NOL7: variants seen among roughly 807,000 people sequenced by gnomAD.
The protein encoded by NOL7 is nucleolar protein 7.
Under a neutral mutation model 38.4 loss-of-function variants are expected in NOL7, and 36 were observed. The ratio of observed to expected loss-of-function variants is 0.94; its 90% CI spans 0.72 to 1.24. The LOEUF (loss-of-function observed/expected upper bound fraction) is 1.24. NOL7 is among the 50% of genes most tolerant of loss of function. NOL7 has a pLI of 0.00. For missense variants in NOL7, 350 were observed against 315.1 expected, an observed-to-expected ratio of 1.11 and a Z score of -0.84; for synonymous variants, 142 against 126.5, an observed-to-expected ratio of 1.12 and a Z score of -0.82.
exon 9 of NOL7, chr6:13,632,407 T>C (rs1764814703): frequency 1.2e-6 from 2 of 1,612,416 alleles, no homozygotes. Flanking sequence ...CTTGCCACAG[T>C]CTCTCCTTAG....
intron 5 of NOL7, 36 bp from the exon 6 acceptor site, chr6:13,620,172 T>A: frequency 1.3e-6 from 2 of 1,579,682 alleles, no homozygotes; most frequent in Non-Finnish European, 8.6e-7. Context: ...AGTAAGCATG[T>A]GTAATTCTTA....
At chr6:13,616,599 C>T (rs1014569244) in intron 3 of NOL7, 78 bp downstream of exon 3, 7 of 966,608 alleles carry the variant, frequency 7.2e-6, no homozygotes, top group South Asian at 1.7e-5. Flanking sequence ...TTATTTGAAT[C>T]CATATAACTG....
chr6:13,615,860 T>C, intron 2 of NOL7, 88 bp downstream of exon 2: 1 of 1,322,194 alleles, frequency 7.6e-7, no homozygotes, highest in Non-Finnish European at 1.0e-6. Context: ...TGGCAGGATA[T>C]TGGAGTGGGG....
At position 13,615,714 on chromosome 6, in the gene NOL7, A is replaced by G. The variant is rs1764262156; in HGVS notation, c.269A>G (p.Asp90Gly). The change falls in exon 2 of 8, where the codon GAT (aspartate) becomes GGT (glycine). Residue 90 changes from aspartate (D) to glycine (G), a missense_variant and splice_region_variant. Asp to Gly is a moderately conservative substitution (Grantham distance 94, BLOSUM62 -1). Coordinates refer to ENST00000451315, the MANE Select transcript of NOL7 (RefSeq NM_016167.5). ...ERRVRETVRRDKTLLKEKRKR... is the reference protein window; with the variant it reads ...ERRVRETVRRGKTLLKEKRKR... ...TGACTTATCACCCTTCCTCCCAGGG[A>G]TAAAACGCTCCTGAAGGAGAAGAGG... The G allele has an allele frequency of 4.3e-6, 7 of 1,614,220 alleles. 1 individual carries two copies. In the East Asian group the frequency reaches 1.6e-4, roughly 36 times the overall value.
chr6:13,622,112 A>G (rs931423747), downstream of NOL7: 14 of 273,166 alleles, frequency 5.1e-5, no homozygotes, highest in African/African-American at 2.4e-4. Flanking sequence ...GTGATGATCA[A>G]TTTGAACGTC....
chr6:13,622,610 T>C (rs768369009), downstream of NOL7: 64 of 1,089,154 alleles, frequency 5.9e-5, no homozygotes, highest in Non-Finnish European at 7.4e-5. Context: ...CACTCTGAAA[T>C]ATCAGCAAAT....
At chr6:13,619,603 A>G (rs563661585) in intron 5 of NOL7, among the ~76,000 whole-genome samples, 3 of 152,242 alleles carry the variant, frequency 2.0e-5, no homozygotes, top group Non-Finnish European at 4.4e-5. Context: ...CTTTTACTAC[A>G]TGTATCCGAA....
At chr6:13,625,509 C>G (rs1005847040), downstream of NOL7, 6 of 474,108 alleles carry the variant, frequency 1.3e-5, no homozygotes, top group East Asian at 9.9e-5. Context: ...GAGGGGGTTT[C>G]TATATTTTAG....
chr6:13,623,047 T>G (rs753996959), downstream of NOL7, among the ~76,000 whole-genome samples: 2 of 152,170 alleles, frequency 1.3e-5, no homozygotes, highest in Non-Finnish European at 2.9e-5. Flanking sequence ...CCCCACAGTT[T>G]TGGAGGTGCT....
chr6:13,624,703 C>T (rs376622032), downstream of NOL7, among the ~76,000 whole-genome samples: 57 of 152,166 alleles, frequency 3.7e-4, no homozygotes, highest in African/African-American at 1.1e-3. Context: ...GAATGGCAAC[C>T]AAACGAACAT....
At position 13,618,073 on chromosome 6, in the gene NOL7, A is replaced by G. The variant is rs1248871558; in HGVS notation, c.434A>G (p.Lys145Arg). Residue 145 changes from lysine (K) to arginine (R), a missense_variant, in exon 5 of 8, where the codon AAA becomes AGA. Transcript: ENST00000451315. ...GKVKEVNLQK[K>R]NEDCEKGNDS... The stretch of plus-strand genomic sequence containing the variant: ...TATTTTTTAGTTAATTTGCAAAAGA[A>G]AAATGAAGACTGTGAAAAAGGAAAT... 8 of 1,557,644 alleles carry G rather than the reference A, an allele frequency of 5.1e-6. No homozygotes were observed. Among genetic ancestry groups the G allele is most frequent in the Non-Finnish European group, 5.3e-6 (6 of 1,132,352 alleles).
chr6:13,616,015 G>A (rs183480308), intron 2 of NOL7, among the ~76,000 whole-genome samples: 7 of 152,170 alleles, frequency 4.6e-5, no homozygotes, highest in African/African-American at 1.7e-4. Flanking sequence ...CAGCCTGGGC[G>A]ACAGAGCGAG....
chr6:13,622,071 G>C (rs970866871), downstream of NOL7: 2 of 189,922 alleles, frequency 1.1e-5, no homozygotes, highest in Admixed American at 6.2e-5. Flanking sequence ...AGGATTTTTG[G>C]TTTCTTTTAG....
Position 13,615,381 on chromosome 6 carries a change from C to T in NOL7, c.23C>T (p.Ala8Val), listed in dbSNP as rs767023705. Residue 8 changes from alanine (A) to valine (V), a missense_variant, in exon 1 of 8, where the codon GCG becomes GTG. Coordinates refer to ENST00000451315, the MANE Select transcript of NOL7 (RefSeq NM_016167.5). Reference protein sequence around the residue: MVQLRPRASRAPASAEAM... With the variant: MVQLRPRVSRAPASAEAM... Reference sequence around the variant, plus strand: ...GCCATGGTGCAGCTCCGACCGCGAGCGTCTCGCGCCCCGGCGTCGGCGGAG... The same window carrying T: ...GCCATGGTGCAGCTCCGACCGCGAGTGTCTCGCGCCCCGGCGTCGGCGGAG... 9 of 1,518,098 alleles carry T rather than the reference C, an allele frequency of 5.9e-6. No individual in the cohort carries two copies. The highest frequency in any genetic ancestry group is 7.9e-6 in the Non-Finnish European group (9 of 1,134,998). 94.0% of individuals were successfully genotyped at this position (1,518,098 alleles called of 1,614,324 possible). A position where few individuals can be genotyped will look rare whatever the true frequency, so the allele number is the denominator to read the frequency against.
At position 13,620,435 on chromosome 6, in the gene NOL7, A is replaced by G. The variant is rs773419308; in HGVS notation, c.650A>G (p.Lys217Arg). The G allele has an allele frequency of 6.8e-6, 11 of 1,614,000 alleles. No individual in the cohort carries two copies. The highest frequency in any genetic ancestry group is 1.7e-5 in the Admixed American group (1 of 60,002). The change falls in exon 7 of 8, where the codon AAG becomes AGG. Residue 217 changes from lysine to arginine, a missense_variant. Physicochemically the swap from Lys to Arg is conservative, Grantham distance 26. Coordinates refer to ENST00000451315, the MANE Select transcript of NOL7 (RefSeq NM_016167.5). ...TVNKFLSLAN[K>R]RLPVKRAAVQ... ...AATAAGTTCCTGTCTCTTGCCAACA[A>G]GAGGTTACCAGTGAAAAGAGCTGCT...
chr6:13,615,409 G>C lies in NOL7; in HGVS notation c.51G>C (p.Ala17=). The C allele has an allele frequency of 5.8e-6, 9 of 1,542,714 alleles. No homozygotes were observed. The highest frequency in any genetic ancestry group is 7.9e-6 in the Non-Finnish European group (9 of 1,144,322). ...CTCGCGCCCCGGCGTCGGCGGAGGC[G>C]ATGGTGGACGAGGGCCAGCTGGCCT... ...RASRAPASAE[A]MVDEGQLASE... The change falls in exon 1 of 8, where the codon GCG becomes GCC. Residue 17 remains alanine, a synonymous_variant. Coordinates refer to ENST00000451315, the MANE Select transcript of NOL7 (RefSeq NM_016167.5).
chr6:13,624,683 C>G (rs75526845), downstream of NOL7, among the ~76,000 whole-genome samples: 2 of 152,198 alleles, frequency 1.3e-5, no homozygotes, highest in Admixed American at 1.3e-4. Context: ...CTACAGTGAG[C>G]TGCTCATAGG....
chr6:13,618,946 G>C (rs1271946344), intron 5 of NOL7, among the ~76,000 whole-genome samples: 1 of 152,164 alleles, frequency 6.6e-6, no homozygotes, highest in African/African-American at 2.4e-5. Flanking sequence ...CTTTGTCTTT[G>C]CAGGTCCTGC....
intron 8 of NOL7, among the ~76,000 whole-genome samples, chr6:13,629,919 CTCGTGTGTGT>C (rs1764731445): frequency 7.7e-6 from 1 of 129,966 alleles, no homozygotes; most frequent in African/African-American, 3.0e-5. Context: ...CTCTCTCTCT[CTCGTGTGTGT>C]GTGTGTGTGT....
Sources: allele counts gnomAD v4.1 joint callset (sites outside exome capture counted in the v4.1 genomes callset), GRCh38; gene constraint gnomAD v4.1.1; transcripts MANE v1.5; gene names NCBI Gene and HGNC (gene_info 2026-07-23, HGNC 2026-07-21).